NELL1: variants seen among roughly 807,000 people sequenced by gnomAD.
NELL1 encodes the protein protein kinase C-binding protein NELL1.
In NELL1, 76 loss-of-function variants were observed where a neutral mutation model predicts 107.4. The observed-to-expected ratio is 0.71, with a 90% CI of 0.59 to 0.86. The LOEUF is 0.86. Ranked by LOEUF, NELL1 falls within the 40% of genes least tolerant of loss-of-function variation. NELL1 has a pLI of 0.00. For missense variants in NELL1, 1,024 were observed against 1,005.5 expected (o/e 1.02, Z -0.25); for synonymous variants, 353 against 341.2 (o/e 1.03, Z -0.38).
chr11:20,928,968 T>G (rs974616422), intron 9 of NELL1, among the ~76,000 whole-genome samples: 4 of 152,250 alleles, frequency 2.6e-5, no homozygotes, highest in Admixed American at 2.6e-4. Context: ...AGCTGTCGTT[T>G]AGAACATGTG....
intron 11 of NELL1, among the ~76,000 whole-genome samples, chr11:20,954,212 C>T (rs1590457669): frequency 1.3e-5 from 2 of 152,318 alleles, no homozygotes; most frequent in East Asian, 1.9e-4. Context: ...ATGTAAAACA[C>T]TTAGCCAAGT....
chr11:21,211,935 C>T (rs913488917), intron 13 of NELL1, among the ~76,000 whole-genome samples: 7 of 152,096 alleles, frequency 4.6e-5, no homozygotes, highest in African/African-American at 1.7e-4. Flanking sequence ...AAATGATTCT[C>T]GTGCCTCAGC....
chr11:21,138,925 A>G (rs1388864021), intron 13 of NELL1, among the ~76,000 whole-genome samples: 1 of 152,166 alleles, frequency 6.6e-6, no homozygotes, highest in African/African-American at 2.4e-5. Context: ...CATAGTCCAT[A>G]AAATATCTGA....
chr11:21,492,844 A>G (rs532034331), intron 15 of NELL1, among the ~76,000 whole-genome samples: 15 of 152,152 alleles, frequency 9.9e-5, no homozygotes, highest in African/African-American at 3.6e-4. Context: ...ATGTATACAT[A>G]TGTAACTAAC....
At chr11:21,440,258 C>T (rs1853245709) in intron 15 of NELL1, among the ~76,000 whole-genome samples, 1 of 151,830 alleles carries the variant, frequency 6.6e-6, no homozygotes, top group East Asian at 1.9e-4. Flanking sequence ...TTATTTTAAA[C>T]ATCAGCCTAC....
rs578067091 is a variant in NELL1, at chr11:21,238,789, A to G, written c.1549+9335A>G. Among the ~76,000 whole-genome samples the G allele has an allele frequency of 2.6e-4, 39 of 152,206 alleles. 1 individual carries two copies. Among genetic ancestry groups the G allele is most frequent in the South Asian group, 1.2e-3 (6 of 4,830 alleles). On this transcript the variant is annotated intron_variant, in intron 14 of 19. Transcript: ENST00000357134. ...GATAGAGAATTCTATTATAACCATTAGGTGCATGGGCTTTGGAGGAAGACA... is the reference window on the plus strand; with the variant it reads ...GATAGAGAATTCTATTATAACCATTGGGTGCATGGGCTTTGGAGGAAGACA...
intron 2 of NELL1, among the ~76,000 whole-genome samples, chr11:20,694,029 ATTCG>A (rs1854546984): frequency 1.3e-5 from 2 of 151,718 alleles, no homozygotes; most frequent in Non-Finnish European, 2.9e-5. Flanking sequence ...GCTTCATTTC[ATTCG>A]TTTCATCTTC....
chr11:20,817,981 A>G (rs1200314637), intron 3 of NELL1, among the ~76,000 whole-genome samples: 1 of 151,898 alleles, frequency 6.6e-6, no homozygotes, highest in Non-Finnish European at 1.5e-5. Context: ...CGAGAGTATC[A>G]TTGGTATGAC....
chr11:20,939,380 A>G (rs1489167595), intron 10 of NELL1, among the ~76,000 whole-genome samples: 1 of 151,794 alleles, frequency 6.6e-6, no homozygotes, highest in African/African-American at 2.4e-5. Flanking sequence ...TACTAGATAG[A>G]GACCAAAGAG....
chr11:21,138,912 C>T (rs998558223), intron 13 of NELL1, among the ~76,000 whole-genome samples: 6 of 152,044 alleles, frequency 3.9e-5, no homozygotes, highest in East Asian at 1.9e-4. Flanking sequence ...GCATCCAGCT[C>T]GTCATAGTCC....
chr11:20,765,095 C>A (rs1245738519), intron 2 of NELL1, among the ~76,000 whole-genome samples: 1 of 151,902 alleles, frequency 6.6e-6, no homozygotes, highest in African/African-American at 2.4e-5. Flanking sequence ...GAGTTCAAGG[C>A]TGCAGTGAGC....
intron 11 of NELL1, among the ~76,000 whole-genome samples, chr11:20,953,702 T>G (rs1476576192): frequency 6.6e-6 from 1 of 152,196 alleles, no homozygotes; most frequent in Non-Finnish European, 1.5e-5. Flanking sequence ...TCTTTGTACA[T>G]ATCACGGGCC....
intron 12 of NELL1, among the ~76,000 whole-genome samples, chr11:20,964,950 G>T (rs1482857822): frequency 6.6e-6 from 1 of 152,006 alleles, no homozygotes; most frequent in African/African-American, 2.4e-5. Context: ...AAATAATCTT[G>T]TATGCCACTG....
rs1200712849 is a variant in NELL1 at position 20,947,387 on chromosome 11, G to T, written c.1123G>T (p.Glu375Ter). 6.2e-7 allele frequency: 1 copy of T among 1,614,054 alleles called. No individual in the cohort carries two copies. The highest frequency in any genetic ancestry group is 1.7e-5 in the Admixed American group (1 of 60,018). ...AATGTGTCCTCCTTTGAACTGCTCA[G>T]AAAAGGATCACATTCTTCCTGAGAA... ...TEMCPPLNCS[E>*]KDHILPENQC... Residue 375 changes from glutamate (E) to a stop codon, truncating the protein, a stop_gained, in exon 11 of 20, where the codon GAA becomes TAA. Coordinates refer to ENST00000357134, the MANE Select transcript of NELL1 (RefSeq NM_006157.5). LOFTEE classifies it high-confidence loss of function.
chr11:20,976,073 T>A (rs1211724973), intron 12 of NELL1, among the ~76,000 whole-genome samples: 2 of 147,632 alleles, frequency 1.4e-5, no homozygotes, highest in African/African-American at 4.9e-5. Context: ...TGTACATATA[T>A]GTATTATATA....
At chr11:21,391,732 T>C (rs527611324) in intron 15 of NELL1, among the ~76,000 whole-genome samples, 12 of 151,720 alleles carry the variant, frequency 7.9e-5, no homozygotes, top group Non-Finnish European at 1.6e-4. Context: ...GCAGCCGGGC[T>C]CACGTGATCT....
intron 12 of NELL1, among the ~76,000 whole-genome samples, chr11:21,068,691 A>T (rs1365378228): frequency 1.3e-5 from 2 of 152,210 alleles, no homozygotes; most frequent in Non-Finnish European, 2.9e-5. Context: ...CCGATAATGC[A>T]GATTGTTTGC....
chr11:20,843,163 G>A (rs1316694987), intron 3 of NELL1, among the ~76,000 whole-genome samples: 1 of 152,094 alleles, frequency 6.6e-6, no homozygotes, highest in Non-Finnish European at 1.5e-5. Flanking sequence ...ACCTGCCTGG[G>A]TTTCTCTCTA....
intron 3 of NELL1, among the ~76,000 whole-genome samples, chr11:20,843,702 G>T (rs1848657969): frequency 8.5e-6 from 1 of 117,314 alleles, no homozygotes. Flanking sequence ...CTCAAAATAG[G>T]ATACTTTGGT....
Sources: gnomAD v4.1 joint callset for allele counts (sites outside exome capture counted in the v4.1 genomes callset) on GRCh38, gnomAD v4.1.1 for gene constraint, MANE v1.5 for transcripts, NCBI Gene and HGNC (gene_info 2026-07-23, HGNC 2026-07-21) for gene names.